The following ERBB4 variants were observed in gnomAD, a reference collection of about 807,000 sequenced individuals.
ERBB4 encodes the protein erb-b2 receptor tyrosine kinase 4, also known as receptor tyrosine-protein kinase erbB-4.
A neutral mutation model predicts 158.0 loss-of-function variants in ERBB4; 42 were observed. The observed-to-expected ratio is 0.27, with a 90% confidence interval of 0.21 to 0.34. The LOEUF is 0.34. Ranked by LOEUF, ERBB4 falls within the 10% of genes least tolerant of loss-of-function variation. The pLI, the probability that ERBB4 is intolerant of heterozygous loss-of-function variation, is 1.00. For synonymous variants in ERBB4, 583 were observed against 558.7 expected, an observed-to-expected ratio of 1.04 and a Z score of -0.61; for missense variants, 1,333 against 1,624.1, an observed-to-expected ratio of 0.82 and a Z score of 3.08.
intron 2 of ERBB4, among the ~76,000 whole-genome samples, chr2:212,016,161 C>CTT (rs879889039): frequency 0.019 from 2,750 of 145,102 alleles, 45 homozygotes; most frequent in Middle Eastern, 0.032. Flanking sequence ...TATATTTTAA[C>CTT]TTTTTTTTTT....
At chr2:212,239,869 C>A (rs2084018526) in intron 1 of ERBB4, among the ~76,000 whole-genome samples, 1 of 152,172 alleles carries the variant, frequency 6.6e-6, no homozygotes, top group Admixed American at 6.5e-5. Flanking sequence ...AAATAACAAG[C>A]TTTTTAGAGG....
At chr2:212,191,689 GTTACATATAACACGTGTTA>G (rs1559703056) in intron 1 of ERBB4, among the ~76,000 whole-genome samples, 6 of 50,944 alleles carry the variant, frequency 1.2e-4, no homozygotes, top group Non-Finnish European at 1.5e-4. Flanking sequence ...TGTTATACAT[GTTACATATAACACGTGTTA>G]TACATGTTAC....
intron 2 of ERBB4, among the ~76,000 whole-genome samples, chr2:211,956,348 A>C (rs148772566): frequency 1.1e-3 from 172 of 152,226 alleles, no homozygotes; most frequent in African/African-American, 4.0e-3. Flanking sequence ...AGTTTTCGGC[A>C]CTTTCGTACA....
intron 17 of ERBB4, 85 bp from the exon 18 acceptor site, chr2:211,624,129 T>A: frequency 6.7e-7 from 1 of 1,498,956 alleles, no homozygotes; most frequent in Non-Finnish European, 9.0e-7. Flanking sequence ...CTCTCTTTGG[T>A]TCTCTTTCTT....
At chr2:211,859,359 T>A (rs1365601003) in intron 3 of ERBB4, among the ~76,000 whole-genome samples, 2 of 152,160 alleles carry the variant, frequency 1.3e-5, no homozygotes, top group Non-Finnish European at 2.9e-5. Flanking sequence ...CACATCCCTA[T>A]CTGGTTCACA....
At chr2:211,652,287 T>A (rs2071019353) in intron 16 of ERBB4, among the ~76,000 whole-genome samples, 1 of 152,222 alleles carries the variant, frequency 6.6e-6, no homozygotes, top group South Asian at 2.1e-4. Context: ...CTTCACCTCT[T>A]CAAACTCTCT....
intron 1 of ERBB4, among the ~76,000 whole-genome samples, chr2:212,471,320 G>A (rs1295216713): frequency 1.3e-5 from 2 of 151,970 alleles, no homozygotes; most frequent in Admixed American, 6.6e-5. Context: ...TTCTAAGAAA[G>A]AGACTCTTTG....
At chr2:212,296,412 C>T (rs2086412178) in intron 1 of ERBB4, among the ~76,000 whole-genome samples, 2 of 151,706 alleles carry the variant, frequency 1.3e-5, no homozygotes, top group South Asian at 4.1e-4. Context: ...AAAAAAAAGA[C>T]ATTGACATAT....
intron 23 of ERBB4, among the ~76,000 whole-genome samples, chr2:211,422,339 T>C (rs1160423061): frequency 6.6e-6 from 1 of 151,908 alleles, no homozygotes; most frequent in Non-Finnish European, 1.5e-5. Flanking sequence ...ATTTTTTCTC[T>C]GATGTGTATA....
intron 2 of ERBB4, among the ~76,000 whole-genome samples, chr2:211,955,433 A>G (rs916988283): frequency 1.3e-5 from 2 of 151,992 alleles, no homozygotes; most frequent in Non-Finnish European, 2.9e-5. Flanking sequence ...TCAGATCTCT[A>G]CATTCCCAAT....
chr2:211,403,242 G>T (rs1464574824), intron 25 of ERBB4, among the ~76,000 whole-genome samples: 1 of 151,882 alleles, frequency 6.6e-6, no homozygotes, highest in African/African-American at 2.4e-5. Context: ...ATCCTTTCTT[G>T]CTTTCTTGGA....
At chr2:212,012,776 T>C (rs1198110310) in intron 2 of ERBB4, among the ~76,000 whole-genome samples, 1 of 151,990 alleles carries the variant, frequency 6.6e-6, no homozygotes, top group Admixed American at 6.6e-5. Flanking sequence ...GACAGGTCTT[T>C]CTATGTCCCT....
intron 3 of ERBB4, among the ~76,000 whole-genome samples, chr2:211,834,483 TAA>T (rs202064233): frequency 2.6e-4 from 38 of 145,220 alleles, no homozygotes; most frequent in Non-Finnish European, 2.6e-4. Flanking sequence ...GTGGGTCACT[TAA>T]AAAAAAAAAA....
chr2:212,331,603 ATATTACCAAACTCAATCAAAT>A (rs368551735), intron 1 of ERBB4, among the ~76,000 whole-genome samples: 5,847 of 152,086 alleles, frequency 0.038, 384 homozygotes, highest in African/African-American at 0.13. Flanking sequence ...GCTAGAGATA[ATATTACCAAACTCAATCAAAT>A]TATTACCAAA....
rs1376209699 is a variant in ERBB4 at position 211,766,537 on chromosome 2, G to T, written c.557-15833C>A. On this transcript the variant is annotated intron_variant, in intron 4 of 27. Transcript: ENST00000342788. ...ATAAACATCTTCCTTTTGCTTTCTA[G>T]TTTTCAAGTGATGAGAAATTAGAGA... 5.3e-5 allele frequency among the ~76,000 whole-genome samples: 8 copies of T among 152,146 alleles called. 1 individual carries two copies. Among genetic ancestry groups the T allele is most frequent in the Admixed American group, 3.9e-4 (6 of 15,276 alleles).
chr2:211,698,509 A>G (rs1314112741), intron 12 of ERBB4, among the ~76,000 whole-genome samples: 1 of 151,816 alleles, frequency 6.6e-6, no homozygotes, highest in Non-Finnish European at 1.5e-5. Context: ...ATATTCACCA[A>G]TAATTATATA....
At chr2:212,527,714 A>AT (rs1424898743) in intron 1 of ERBB4, among the ~76,000 whole-genome samples, 2 of 148,606 alleles carry the variant, frequency 1.3e-5, no homozygotes, top group Non-Finnish European at 1.5e-5. Context: ...TTATTTATTT[A>AT]TTATTATACT....
chr2:212,319,543 C>T (rs951917817), intron 1 of ERBB4, among the ~76,000 whole-genome samples: 1 of 150,444 alleles, frequency 6.6e-6, no homozygotes, highest in Admixed American at 6.6e-5. Flanking sequence ...CATTTAAATC[C>T]ATGTAAGATT....
intron 1 of ERBB4, among the ~76,000 whole-genome samples, chr2:212,480,390 G>T (rs1055847581): frequency 6.6e-6 from 1 of 152,132 alleles, no homozygotes; most frequent in Non-Finnish European, 1.5e-5. Context: ...AGATAAGAAG[G>T]CACCAGATTA....
Sources: allele counts gnomAD v4.1 joint callset (sites outside exome capture counted in the v4.1 genomes callset), GRCh38; gene constraint gnomAD v4.1.1; transcripts MANE v1.5; gene names NCBI Gene and HGNC (gene_info 2026-07-23, HGNC 2026-07-21).